CCSER1: variants seen among roughly 807,000 people sequenced by gnomAD.
The protein encoded by CCSER1 is coiled-coil serine rich protein 1.
CCSER1 carries 41 observed loss-of-function variants against 82.0 expected under a neutral mutation model. That is an observed-to-expected ratio of 0.50 (90% CI 0.39 to 0.65). The LOEUF (loss-of-function observed/expected upper bound fraction) is 0.65, where lower values mean the gene tolerates loss of function less well. Among genes scored for constraint, CCSER1 ranks in the 30% least tolerant of loss-of-function variants. The pLI, the probability that CCSER1 is intolerant of heterozygous loss-of-function variation, is 0.00. For missense variants in CCSER1, 1,119 were observed against 1,064.2 expected (o/e 1.05, Z -0.72); for synonymous variants, 414 against 383.9 (o/e 1.08, Z -0.92).
intron 5 of CCSER1, among the ~76,000 whole-genome samples, chr4:90,495,729 A>C (rs1287203519): frequency 9.2e-5 from 14 of 152,214 alleles, no homozygotes; most frequent in Non-Finnish European, 1.5e-5. Context: ...AGAGATCATC[A>C]TCTTCCATAA....
chr4:90,825,211 A>G (rs1436766074), intron 8 of CCSER1, among the ~76,000 whole-genome samples: 1 of 152,254 alleles, frequency 6.6e-6, no homozygotes, highest in East Asian at 1.9e-4. Flanking sequence ...AAGGTGTTTT[A>G]CCTTTAAGGC....
intron 9 of CCSER1, among the ~76,000 whole-genome samples, chr4:90,983,322 A>T (rs1736292235): frequency 6.6e-6 from 1 of 151,694 alleles, no homozygotes; most frequent in African/African-American, 2.4e-5. Context: ...ACTACCTCAA[A>T]TTCCCAGTCT....
chr4:90,244,645 T>C (rs1238218921), intron 1 of CCSER1, among the ~76,000 whole-genome samples: 1 of 152,088 alleles, frequency 6.6e-6, no homozygotes, highest in Non-Finnish European at 1.5e-5. Context: ...GAAGTGAGGA[T>C]GCAGGAAAAG....
chr4:90,139,263 G>T (rs1206783085), intron 1 of CCSER1, among the ~76,000 whole-genome samples: 1 of 152,166 alleles, frequency 6.6e-6, no homozygotes, highest in Admixed American at 6.5e-5. Context: ...AGTTTTGCAT[G>T]ATGTTGGTAA....
chr4:91,316,180 C>A (rs1049221539), intron 10 of CCSER1, among the ~76,000 whole-genome samples: 48 of 152,030 alleles, frequency 3.2e-4, no homozygotes, highest in African/African-American at 1.1e-3. Flanking sequence ...CATTAAATAT[C>A]TTTTTATTTA....
At chr4:90,181,088 A>AG (rs1435063220) in intron 1 of CCSER1, among the ~76,000 whole-genome samples, 1 of 152,162 alleles carries the variant, frequency 6.6e-6, no homozygotes, top group Non-Finnish European at 1.5e-5. Flanking sequence ...CTGGTGCAAT[A>AG]GAAAAACTAC....
At chr4:90,724,254 A>T (rs1561019938) in intron 7 of CCSER1, among the ~76,000 whole-genome samples, 1 of 151,970 alleles carries the variant, frequency 6.6e-6, no homozygotes, top group Non-Finnish European at 1.5e-5. Flanking sequence ...AGGTTGATTC[A>T]CATGAATTAG....
intron 7 of CCSER1, among the ~76,000 whole-genome samples, chr4:90,814,772 C>G (rs1159487483): frequency 5.9e-5 from 9 of 152,148 alleles, no homozygotes; most frequent in Non-Finnish European, 1.3e-4. Flanking sequence ...CAATAAGTTC[C>G]TTATCTTCAT....
chr4:90,230,760 A>G (rs1465905337), intron 1 of CCSER1, among the ~76,000 whole-genome samples: 3 of 151,924 alleles, frequency 2.0e-5, no homozygotes, highest in African/African-American at 7.3e-5. Flanking sequence ...GAAGAATCAA[A>G]TAGACGCAAT....
chr4:91,595,068 A>T (rs1261824247), intron 10 of CCSER1, among the ~76,000 whole-genome samples: 1 of 148,086 alleles, frequency 6.8e-6, no homozygotes, highest in South Asian at 2.1e-4. Flanking sequence ...AAGCAAAACC[A>T]AAAAAACCTA....
At chr4:90,460,702 T>C (rs183400356) in intron 4 of CCSER1, among the ~76,000 whole-genome samples, 3 of 152,330 alleles carry the variant, frequency 2.0e-5, no homozygotes, top group Non-Finnish European at 4.4e-5. Context: ...CTTTTAAATT[T>C]AAATTGTAAA....
chr4:90,505,336 G>A (rs1770535402), intron 5 of CCSER1, among the ~76,000 whole-genome samples: 1 of 152,138 alleles, frequency 6.6e-6, no homozygotes. Flanking sequence ...TTCCCCATCT[G>A]TCCAAAATAA....
At chr4:90,809,715 A>T (rs77755137) in intron 7 of CCSER1, among the ~76,000 whole-genome samples, 8,834 of 145,758 alleles carry the variant, frequency 0.061, 588 homozygotes, top group African/African-American at 0.18. Flanking sequence ...AAATAAAATT[A>T]AAAAAATAAT....
At chr4:90,988,735 A>G (rs780009521) in intron 9 of CCSER1, among the ~76,000 whole-genome samples, 3 of 151,792 alleles carry the variant, frequency 2.0e-5, no homozygotes, top group Non-Finnish European at 4.4e-5. Flanking sequence ...AAACTCTCAC[A>G]TATTTGTATT....
intron 6 of CCSER1, among the ~76,000 whole-genome samples, chr4:90,713,564 C>T (rs888346140): frequency 4.0e-5 from 6 of 151,658 alleles, no homozygotes; most frequent in African/African-American, 1.5e-4. Context: ...TTCTCTCTGG[C>T]TGCCCTTAAC....
intron 5 of CCSER1, among the ~76,000 whole-genome samples, chr4:90,588,554 T>C (rs997994212): frequency 6.6e-5 from 10 of 152,298 alleles, no homozygotes; most frequent in African/African-American, 2.4e-4. Flanking sequence ...TTTGCTTCCC[T>C]TAAGTGTTGA....
rs191770429 is a variant in CCSER1, at chr4:91,386,663, G to A, written c.2218-211909G>A. Among the ~76,000 whole-genome samples the A allele has an allele frequency of 2.0e-5, 3 of 152,154 alleles. No homozygotes were observed. The East Asian group carries it at 5.8e-4, about 29-fold the overall frequency. On this transcript the variant is annotated intron_variant, in intron 10 of 10. Transcript: ENST00000509176. ...TGGAAAAGAAAAAATAGTAACTCTAGACTGGGGAAGCTGGACGGCACTTTA... is the reference window on the plus strand; with the variant it reads ...TGGAAAAGAAAAAATAGTAACTCTAAACTGGGGAAGCTGGACGGCACTTTA...
intron 1 of CCSER1, among the ~76,000 whole-genome samples, chr4:90,158,246 A>G (rs1047665954): frequency 3.3e-5 from 5 of 152,114 alleles, no homozygotes; most frequent in Non-Finnish European, 5.9e-5. Context: ...GTTTTGTCTC[A>G]GAGGAGTACC....
chr4:90,987,738 T>G (rs960050758), intron 9 of CCSER1, among the ~76,000 whole-genome samples: 2 of 151,798 alleles, frequency 1.3e-5, no homozygotes, highest in African/African-American at 4.8e-5. Context: ...AGCAGCTTGC[T>G]TTGGACTTGT....
Sources: gnomAD v4.1 joint callset for allele counts (sites outside exome capture counted in the v4.1 genomes callset) on GRCh38, gnomAD v4.1.1 for gene constraint, MANE v1.5 for transcripts, NCBI Gene and HGNC (gene_info 2026-07-23, HGNC 2026-07-21) for gene names.